The following SNX8 variants were observed in gnomAD, a reference collection of about 807,000 sequenced individuals.
SNX8 encodes the protein sorting nexin-8.
Under a neutral mutation model 51.6 loss-of-function variants are expected in SNX8, and 25 were observed. The observed-to-expected ratio is 0.48, with a 90% CI of 0.35 to 0.68. The LOEUF (loss-of-function observed/expected upper bound fraction) is 0.68, where lower values mean the gene tolerates loss of function less well. SNX8 is among the 30% of genes least tolerant of loss of function. The pLI, the probability that SNX8 is intolerant of heterozygous loss-of-function variation, is 0.00. For synonymous variants in SNX8, 324 were observed against 277.0 expected (o/e 1.17, Z -1.68); for missense variants, 695 against 624.0 (o/e 1.11, Z -1.21).
chr7:2,307,869 T>C (rs1400637866), intron 1 of SNX8: 1 of 152,134 alleles, frequency 6.6e-6, no homozygotes, highest in Admixed American at 6.6e-5. Flanking sequence ...AAACATCTCT[T>C]TTTGTGATGC....
intron 7 of SNX8, among the ~76,000 whole-genome samples, chr7:2,258,248 C>G (rs940068685): frequency 5.2e-4 from 79 of 152,244 alleles, no homozygotes; most frequent in Admixed American, 5.0e-3. Context: ...GATCTCCAGA[C>G]CTCGTGATCC....
chr7:2,341,738 A>T, intron 1 of SNX8, among the ~76,000 whole-genome samples: 1 of 152,022 alleles, frequency 6.6e-6, no homozygotes, highest in East Asian at 1.9e-4. Context: ...TTGTAATCCT[A>T]GAACTTTGGA....
At chr7:2,300,871 G>T (rs1168777111) in intron 1 of SNX8, among the ~76,000 whole-genome samples, 1 of 152,072 alleles carries the variant, frequency 6.6e-6, no homozygotes, top group Admixed American at 6.6e-5. Flanking sequence ...TCGAACTCCT[G>T]ACCTCAAATG....
At chr7:2,259,947 C>T (rs183179593) in intron 7 of SNX8, among the ~76,000 whole-genome samples, 25 of 151,234 alleles carry the variant, frequency 1.7e-4, no homozygotes, top group East Asian at 1.6e-3. Context: ...TTGAGCCACA[C>T]ATAAAATACG....
chr7:2,287,359 C>A (rs1014015727), intron 1 of SNX8, among the ~76,000 whole-genome samples: 2 of 151,468 alleles, frequency 1.3e-5, no homozygotes, highest in Non-Finnish European at 2.9e-5. Flanking sequence ...GCAGGTGGAT[C>A]CATTGAGTGA....
intron 1 of SNX8, among the ~76,000 whole-genome samples, chr7:2,306,993 A>G (rs1363315224): frequency 6.6e-6 from 1 of 151,994 alleles, no homozygotes; most frequent in Non-Finnish European, 1.5e-5. Flanking sequence ...AACTTTGTGT[A>G]ATTTCACTTC....
At chr7:2,344,761 C>G (rs541256842) in intron 1 of SNX8, among the ~76,000 whole-genome samples, 1 of 151,930 alleles carries the variant, frequency 6.6e-6, no homozygotes, top group South Asian at 2.1e-4. Context: ...TCTATACCAA[C>G]AACACGAAAA....
intron 1 of SNX8, among the ~76,000 whole-genome samples, chr7:2,322,609 G>A (rs1490021857): frequency 2.6e-5 from 4 of 151,606 alleles, no homozygotes; most frequent in African/African-American, 4.9e-5. Context: ...CAGGAGAATC[G>A]CTTGAACCCA....
At chr7:2,302,572 G>C (rs897330812) in intron 1 of SNX8, among the ~76,000 whole-genome samples, 1 of 150,730 alleles carries the variant, frequency 6.6e-6, no homozygotes, top group Non-Finnish European at 1.5e-5. Flanking sequence ...CATCGTCTGG[G>C]ATGTGAGGAG....
At chr7:2,297,122 G>T (rs958362453) in intron 1 of SNX8, among the ~76,000 whole-genome samples, 3 of 151,932 alleles carry the variant, frequency 2.0e-5, no homozygotes, top group Non-Finnish European at 4.4e-5. Flanking sequence ...ATGCTTACAC[G>T]CTACCGATGG....
At chr7:2,315,245 C>G (rs1584734788), upstream of SNX8, among the ~76,000 whole-genome samples, 1 of 151,584 alleles carries the variant, frequency 6.6e-6, no homozygotes, top group South Asian at 2.1e-4. Context: ...TTCATTCACC[C>G]ACTCACGCAC....
chr7:2,338,603 C>A (rs900341890), intron 1 of SNX8, among the ~76,000 whole-genome samples: 1 of 151,952 alleles, frequency 6.6e-6, no homozygotes, highest in South Asian at 2.1e-4. Context: ...CTCTGCACTC[C>A]AGCCTGGGCG....
intron 1 of SNX8, among the ~76,000 whole-genome samples, chr7:2,306,281 C>A (rs375610266): frequency 6.6e-6 from 1 of 152,114 alleles, no homozygotes; most frequent in Non-Finnish European, 1.5e-5. Context: ...GCGCATGCCA[C>A]CAAGCCTGGC....
At chr7:2,302,575 G>A (rs1796424085) in intron 1 of SNX8, among the ~76,000 whole-genome samples, 1 of 150,864 alleles carries the variant, frequency 6.6e-6, no homozygotes, top group Admixed American at 6.6e-5. Flanking sequence ...CGTCTGGGAT[G>A]TGAGGAGCCC....
At chr7:2,307,908 A>G (rs1198883110) in intron 1 of SNX8, 1 of 152,096 alleles carries the variant, frequency 6.6e-6, no homozygotes, top group African/African-American at 2.4e-5. Context: ...AATAATACCA[A>G]AACAGAATTC....
At chr7:2,288,708 CA>C (rs943287092) in intron 1 of SNX8, among the ~76,000 whole-genome samples, 7 of 152,120 alleles carry the variant, frequency 4.6e-5, no homozygotes, top group Non-Finnish European at 1.0e-4. Flanking sequence ...TTCTCAAGCT[CA>C]GGGGTTTTTT....
chr7:2,297,975 G>A (rs916001184), intron 1 of SNX8, among the ~76,000 whole-genome samples: 22 of 151,834 alleles, frequency 1.4e-4, no homozygotes, highest in African/African-American at 1.9e-4. Flanking sequence ...ACCCAGCCTC[G>A]ACCAACGAAC....
chr7:2,321,223 G>A (rs957561141), intron 1 of SNX8, among the ~76,000 whole-genome samples: 6 of 152,032 alleles, frequency 3.9e-5, no homozygotes, highest in South Asian at 2.1e-4. Context: ...GGCAGGAAAC[G>A]GTGGGGGGAA....
rs1406354976 is a variant in SNX8 at position 2,253,607 on chromosome 7, AG to A, written c.*1448del. On this transcript the variant is annotated 3_prime_UTR_variant, in exon 11 of 11. Coordinates refer to ENST00000222990, the MANE Select transcript of SNX8 (RefSeq NM_013321.4). ...GCAGCCCACCTCACAGCAGGAAGGC[AG>A]CAGCAGAACCCACAGGGCAGGGCAG... The A allele has an allele frequency of 3.3e-5, 5 of 152,976 alleles. No homozygotes were observed. Among genetic ancestry groups the A allele is most frequent in the African/African-American group, 1.2e-4 (5 of 41,596 alleles). The allele number at this position is 152,976 out of a possible 1,614,324, so 9.5% of individuals were successfully genotyped here. A position where few individuals can be genotyped will look rare whatever the true frequency, so the allele number is the denominator to read the frequency against.
Sources: gnomAD v4.1 joint callset for allele counts (sites outside exome capture counted in the v4.1 genomes callset) on GRCh38, gnomAD v4.1.1 for gene constraint, MANE v1.5 for transcripts, NCBI Gene and HGNC (gene_info 2026-07-23, HGNC 2026-07-21) for gene names.